The following SCP2 variants were observed in gnomAD, a reference collection of about 807,000 sequenced individuals.
SCP2 encodes SCP-2/3-oxoacyl-CoA thiolase.
Under a neutral mutation model 71.4 loss-of-function variants are expected in SCP2, and 48 were observed. The observed-to-expected ratio is 0.67, with a 90% CI of 0.53 to 0.86. The LOEUF is 0.86. Among genes scored for constraint, SCP2 ranks in the 40% least tolerant of loss-of-function variants. The pLI is 0.00. For missense variants in SCP2, 560 were observed against 655.6 expected (o/e 0.85, Z 1.59); for synonymous variants, 220 against 218.1 (o/e 1.01, Z -0.08).
At chr1:53,021,487 A>T (rs1236841186) in intron 12 of SCP2, among the ~76,000 whole-genome samples, 1 of 146,770 alleles carries the variant, frequency 6.8e-6, no homozygotes, top group African/African-American at 2.5e-5. Context: ...TAGCTGGCTA[A>T]TTTTTGTATT....
chr1:53,025,676 T>C (rs2150242792), intron 12 of SCP2, among the ~76,000 whole-genome samples: 1 of 152,322 alleles, frequency 6.6e-6, no homozygotes, highest in South Asian at 2.1e-4. Flanking sequence ...CTCTATCTAC[T>C]GGCAGACTGC....
At chr1:52,927,973 G>T (rs1385492128) in intron 1 of SCP2, among the ~76,000 whole-genome samples, 2 of 152,222 alleles carry the variant, frequency 1.3e-5, no homozygotes, top group Non-Finnish European at 2.9e-5. Context: ...TCCCACGGCC[G>T]TTTTCCCCTC....
At chr1:52,992,913 C>G (rs1431999501) in intron 11 of SCP2, among the ~76,000 whole-genome samples, 1 of 152,096 alleles carries the variant, frequency 6.6e-6, no homozygotes, top group African/African-American at 2.4e-5. Flanking sequence ...TGATTCATCT[C>G]TATTAAAATG....
At chr1:52,941,456 G>T (rs1654228176) in intron 1 of SCP2, among the ~76,000 whole-genome samples, 1 of 152,078 alleles carries the variant, frequency 6.6e-6, no homozygotes, top group Non-Finnish European at 1.5e-5. Flanking sequence ...ACTATACTTG[G>T]CTGGGCGCAG....
chr1:52,932,552 G>C (rs1653257670), intron 1 of SCP2, among the ~76,000 whole-genome samples: 1 of 152,198 alleles, frequency 6.6e-6, no homozygotes, highest in African/African-American at 2.4e-5. Flanking sequence ...ACATAGAATA[G>C]TGAGAAAAGC....
chr1:52,984,855 T>C (rs1456281835), intron 10 of SCP2, among the ~76,000 whole-genome samples: 23 of 145,936 alleles, frequency 1.6e-4, no homozygotes, highest in African/African-American at 6.0e-4. Context: ...TTTTTTTTTT[T>C]TCCGAGACAG....
intron 13 of SCP2, among the ~76,000 whole-genome samples, chr1:53,030,885 G>A (rs558074276): frequency 1.2e-3 from 170 of 143,056 alleles, no homozygotes; most frequent in Non-Finnish European, 2.2e-3. Flanking sequence ...GGGTGACAGA[G>A]CGAGACTCCA....
intron 13 of SCP2, among the ~76,000 whole-genome samples, chr1:53,030,787 C>A (rs1662483634): frequency 6.6e-6 from 1 of 151,718 alleles, no homozygotes; most frequent in Admixed American, 6.6e-5. Context: ...GTAGTCCCAG[C>A]TACTAGAGAG....
At chr1:52,960,566 G>GTATA (rs761551892) in intron 5 of SCP2, among the ~76,000 whole-genome samples, 1 of 142,902 alleles carries the variant, frequency 7.0e-6, no homozygotes, top group Non-Finnish European at 1.5e-5. Context: ...ATATATGTAT[G>GTATA]TATATATATG....
Position 52,976,707 on chromosome 1 carries a change from C to T in SCP2, c.612C>T (p.Tyr204=). Residue 204 remains tyrosine (Y), a synonymous_variant, in exon 8 of 16, where the codon TAC becomes TAT. Coordinates refer to ENST00000371514, the MANE Select transcript of SCP2 (RefSeq NM_002979.5). ...NNPYSQFQDE[Y]SLDEVMASKE... ...GGTATTCCCAGTTCCAAGATGAATA[C>T]AGTTTAGATGAAGTGATGGCATCTA... The T allele has an allele frequency of 6.4e-7, 1 of 1,560,702 alleles. No individual in the cohort carries two copies. The highest frequency in any genetic ancestry group is 8.8e-7 in the Non-Finnish European group (1 of 1,131,988).
chr1:53,024,090 T>C (rs1661936134), intron 12 of SCP2, among the ~76,000 whole-genome samples: 1 of 152,216 alleles, frequency 6.6e-6, no homozygotes, highest in African/African-American at 2.4e-5. Flanking sequence ...ATACCTGTTC[T>C]GATTTGTTCA....
rs558422960 is a variant in SCP2 at position 53,031,027 on chromosome 1, C to T, written c.1338+2956C>T. Among the ~76,000 whole-genome samples, 10 of 150,914 alleles carry T rather than the reference C, an allele frequency of 6.6e-5. No homozygotes were observed. In the South Asian group the frequency reaches 1.0e-3, roughly 16 times the overall value. On this transcript the variant is annotated intron_variant, in intron 13 of 15. Transcript: ENST00000371514. ...AATGAAGTTGCACTCTATAAAGTCT[C>T]GGCTTAAAAGTTTTGGTTTTTAAAA...
intron 5 of SCP2, among the ~76,000 whole-genome samples, chr1:52,960,717 C>CAT (rs1656346592): frequency 1.9e-5 from 2 of 104,066 alleles, no homozygotes; most frequent in Non-Finnish European, 4.5e-5. Context: ...ATATTATGTG[C>CAT]GTGTGTGTGT....
chr1:53,016,014 C>T (rs1326703210), intron 12 of SCP2, among the ~76,000 whole-genome samples: 3 of 151,732 alleles, frequency 2.0e-5, no homozygotes, highest in African/African-American at 7.3e-5. Flanking sequence ...TTTTGTTTCT[C>T]CAACAAAGGA....
At chr1:52,963,440 G>A (rs545050297) in intron 6 of SCP2, among the ~76,000 whole-genome samples, 5 of 152,048 alleles carry the variant, frequency 3.3e-5, no homozygotes, top group Admixed American at 3.3e-4. Context: ...ATTGAATGAA[G>A]GAGTGAATTT....
chr1:53,037,966 CACA>C (rs1663130355), intron 13 of SCP2, among the ~76,000 whole-genome samples: 1 of 116,176 alleles, frequency 8.6e-6, no homozygotes, highest in African/African-American at 3.6e-5. Context: ...CACACACACA[CACA>C]CACACACACA....
intron 8 of SCP2, among the ~76,000 whole-genome samples, chr1:52,977,293 G>T (rs1658061242): frequency 6.6e-6 from 1 of 152,216 alleles, no homozygotes; most frequent in South Asian, 2.1e-4. Flanking sequence ...TGTAGATACA[G>T]GCTGGGATGG....
At chr1:52,961,057 C>T (rs1189482353) in intron 5 of SCP2, among the ~76,000 whole-genome samples, 2 of 142,940 alleles carry the variant, frequency 1.4e-5, no homozygotes, top group African/African-American at 2.7e-5. Flanking sequence ...CAGCCTATTT[C>T]CTTTGGTTCT....
chr1:53,032,145 G>A (rs1205814657), intron 13 of SCP2, among the ~76,000 whole-genome samples: 1 of 152,174 alleles, frequency 6.6e-6, no homozygotes, highest in African/African-American at 2.4e-5. Context: ...TTCATTTTAT[G>A]GTGCCAGATA....
Sources: allele counts gnomAD v4.1 joint callset (sites outside exome capture counted in the v4.1 genomes callset), GRCh38; gene constraint gnomAD v4.1.1; transcripts MANE v1.5; gene names NCBI Gene and HGNC (gene_info 2026-07-23, HGNC 2026-07-21).